BET1: variants seen among roughly 807,000 people sequenced by gnomAD.
BET1 encodes the protein Bet1 golgi vesicular membrane trafficking protein, also known as BET1 homolog.
Under a neutral mutation model 13.9 loss-of-function variants are expected in BET1, and 9 were observed. The ratio of observed to expected loss-of-function variants is 0.65; its 90% confidence interval spans 0.39 to 1.13. The LOEUF (loss-of-function observed/expected upper bound fraction) is 1.13, where lower values mean the gene tolerates loss of function less well. Ranked by LOEUF, BET1 falls within the 50% of genes most tolerant of loss-of-function variation. BET1 has a pLI of 0.01. For synonymous variants in BET1, 39 were observed against 47.3 expected (o/e 0.82, Z 0.72); for missense variants, 127 against 133.6 (o/e 0.95, Z 0.24).
rs537045442 is a variant in BET1 at position 93,985,033 on chromosome 7, A to G, written c.236-8933T>C. Among the ~76,000 whole-genome samples, 6 of 152,264 alleles carry G rather than the reference A, an allele frequency of 3.9e-5. No individual in the cohort carries two copies. In the South Asian group the frequency reaches 1.2e-3, roughly 32 times the overall value. ...CTCACTCTATATTTTGAAAATTCAG[A>G]ATTTTTAATCAGGCTCAATTCCTAG... On this transcript the variant is annotated intron_variant and NMD_transcript_variant, in intron 4 of 6. Coordinates refer to the BET1 transcript ENST00000357520.
At chr7:93,998,978 A>G (rs936564362) in intron 2 of BET1, among the ~76,000 whole-genome samples, 192 bp downstream of exon 2, 3 of 152,198 alleles carry the variant, frequency 2.0e-5, no homozygotes, top group Non-Finnish European at 4.4e-5. Context: ...AAAAAAATCT[A>G]TCTTTTGATG....
At chr7:94,002,332 C>CT (rs1270636905) in intron 1 of BET1, among the ~76,000 whole-genome samples, 3 of 150,952 alleles carry the variant, frequency 2.0e-5, no homozygotes, top group Non-Finnish European at 4.4e-5. Context: ...TGCATTCATA[C>CT]TTTAAAAAAA....
intron 5 of BET1, among the ~76,000 whole-genome samples, chr7:93,974,910 A>C (rs528461287): frequency 9.9e-5 from 15 of 152,092 alleles, no homozygotes; most frequent in Non-Finnish European, 2.1e-4. Flanking sequence ...ATAACCAATA[A>C]TTAGATACAT....
At chr7:93,974,565 T>C (rs1795307931) in intron 5 of BET1, among the ~76,000 whole-genome samples, 1 of 152,020 alleles carries the variant, frequency 6.6e-6, no homozygotes, top group Non-Finnish European at 1.5e-5. Context: ...AGAAAAAATG[T>C]AATTGGATTA....
intron 4 of BET1, among the ~76,000 whole-genome samples, chr7:93,976,467 TA>T (rs1196985291): frequency 6.6e-6 from 1 of 152,060 alleles, no homozygotes; most frequent in African/African-American, 2.4e-5. Flanking sequence ...CCTTTTAACA[TA>T]AGAATGTTTG....
rs1795983327 is a variant in BET1 at position 94,004,333 on chromosome 7, C to T, written c.-117G>A. The T allele has an allele frequency of 3.6e-6, 5 of 1,393,974 alleles. No individual in the cohort carries two copies. The highest frequency in any genetic ancestry group is 5.1e-6 in the Non-Finnish European group (5 of 985,752). The allele number at this position is 1,393,974 out of a possible 1,614,324, so 86.4% of individuals were successfully genotyped here. A position where few individuals can be genotyped will look rare whatever the true frequency, so the allele number is the denominator to read the frequency against. ...GGCCCAGCGAAACACCAACTTCTTC[C>T]CCTAAAGCGCCACGACATCAGTGGA... On this transcript the variant is annotated 5_prime_UTR_variant, in exon 1 of 4. Transcript: ENST00000222547.
At chr7:93,980,925 C>T (rs1406679083) in intron 4 of BET1, among the ~76,000 whole-genome samples, 2 of 152,016 alleles carry the variant, frequency 1.3e-5, no homozygotes, top group South Asian at 4.1e-4. Flanking sequence ...TATTGCAAAG[C>T]GAAAGTACAC....
chr7:93,994,608 A>G (rs1475153538), intron 3 of BET1, among the ~76,000 whole-genome samples: 3 of 152,218 alleles, frequency 2.0e-5, no homozygotes, highest in Non-Finnish European at 4.4e-5. Flanking sequence ...TTGTCCAATA[A>G]ACACTTCTTT....
At chr7:93,963,073 T>A (rs538310826) in exon 7 of BET1, 1 of 152,256 alleles carries the variant, frequency 6.6e-6, no homozygotes, top group East Asian at 1.9e-4. Context: ...ATCAAGCCCA[T>A]GTCACAGATG....
At chr7:93,998,431 G>A (rs1238483733) in intron 2 of BET1, among the ~76,000 whole-genome samples, 1 of 151,570 alleles carries the variant, frequency 6.6e-6, no homozygotes, top group African/African-American at 2.4e-5. Flanking sequence ...AGGTGCGGTG[G>A]CTCACACCTA....
chr7:93,974,839 T>C lies in BET1; in HGVS notation c.*48+1065A>G, dbSNP rs866172053. ...ATATTTATTAATTAAAAAAGAAATA[T>C]AGTAACTTTAGAGTAGAGAAAACTG... is the stretch of plus-strand genomic sequence containing the variant. On this transcript the variant is annotated intron_variant and NMD_transcript_variant, in intron 5 of 6. Transcript: ENST00000357520. Among the ~76,000 whole-genome samples, 11 of 152,032 alleles carry C rather than the reference T, an allele frequency of 7.2e-5. No homozygotes were observed. In the South Asian group the frequency reaches 1.5e-3, roughly 20 times the overall value.
At chr7:93,983,222 C>G (rs1310999784) in intron 4 of BET1, among the ~76,000 whole-genome samples, 3 of 152,192 alleles carry the variant, frequency 2.0e-5, no homozygotes, top group Non-Finnish European at 4.4e-5. Flanking sequence ...TATTTGGTGT[C>G]ACATTATTCT....
At chr7:93,970,124 G>A (rs1478299816) in intron 6 of BET1, among the ~76,000 whole-genome samples, 2 of 151,786 alleles carry the variant, frequency 1.3e-5, no homozygotes, top group African/African-American at 4.8e-5. Flanking sequence ...CATTAAAGAT[G>A]TTTTACTCTG....
At chr7:93,985,869 A>G (rs1795519906) in intron 4 of BET1, among the ~76,000 whole-genome samples, 1 of 152,230 alleles carries the variant, frequency 6.6e-6, no homozygotes, top group Non-Finnish European at 1.5e-5. Context: ...CTGATAAGCA[A>G]TTAAGGGATC....
intron 2 of BET1, 68 bp downstream of exon 2, chr7:93,999,102 T>C (rs941665519): frequency 4.1e-5 from 51 of 1,233,314 alleles, no homozygotes; most frequent in Admixed American, 7.8e-5. Flanking sequence ...AATAAGAATA[T>C]ATAGTTTATA....
At chr7:93,970,727 A>G (rs1795247627) in intron 6 of BET1, among the ~76,000 whole-genome samples, 1 of 151,234 alleles carries the variant, frequency 6.6e-6, no homozygotes. Context: ...CACAAATGTA[A>G]TTGGGAATAA....
chr7:93,993,955 G>T lies in BET1; in HGVS notation c.*275C>A. The T allele has an allele frequency of 6.5e-7, 1 of 1,533,564 alleles. No individual in the cohort carries two copies. Among genetic ancestry groups the T allele is most frequent in the South Asian group, 1.2e-5 (1 of 83,266 alleles). 95.0% of individuals were successfully genotyped at this position (1,533,564 alleles called of 1,614,324 possible). ...AAAATATTATAATGCTATTTAATCT[G>T]ACAGTTGGCAAACAATAGAAAAACA... On this transcript the variant is annotated 3_prime_UTR_variant, in exon 4 of 4. Transcript: ENST00000222547.
intron 6 of BET1, among the ~76,000 whole-genome samples, chr7:93,967,323 G>A (rs546832398): frequency 2.6e-5 from 4 of 151,726 alleles, no homozygotes; most frequent in Non-Finnish European, 4.4e-5. Context: ...ATGTGGTTTG[G>A]TGGTCACAGT....
chr7:93,985,015 T>C (rs1795499328), intron 4 of BET1, among the ~76,000 whole-genome samples: 1 of 152,156 alleles, frequency 6.6e-6, no homozygotes, highest in Non-Finnish European at 1.5e-5. Context: ...ATTCTCACTC[T>C]ATATTTTGAA....
Sources: allele counts gnomAD v4.1 joint callset (sites outside exome capture counted in the v4.1 genomes callset), GRCh38; gene constraint gnomAD v4.1.1; transcripts MANE v1.5; gene names NCBI Gene and HGNC (gene_info 2026-07-23, HGNC 2026-07-21).